AKT3: variants seen among roughly 807,000 people sequenced by gnomAD.
The protein encoded by AKT3 is RAC-gamma serine/threonine-protein kinase.
A neutral mutation model predicts 65.3 loss-of-function variants in AKT3; 15 were observed. The ratio of observed to expected loss-of-function variants is 0.23; its 90% confidence interval spans 0.15 to 0.35. The LOEUF (loss-of-function observed/expected upper bound fraction) is 0.35. AKT3 is among the 10% of genes least tolerant of loss of function. The probability of loss-of-function intolerance (pLI) is 1.00; values close to 1 mark genes in which losing one functional copy is unlikely to be tolerated. For missense variants in AKT3, 243 were observed against 576.5 expected (o/e 0.42, Z 5.92); for synonymous variants, 206 against 183.8 (o/e 1.12, Z -0.98).
At position 243,505,166 on chromosome 1, in the gene AKT3, G is replaced by C; in HGVS notation, c.*83C>G. On this transcript the variant is annotated 3_prime_UTR_variant, in exon 14 of 14. Coordinates refer to ENST00000673466, the MANE Select transcript of AKT3 (RefSeq NM_005465.7). ...ATGTCGGAAGGTGCCCCTGCTATGTGTAAGAGCTAGGACTGGTGATGTCCA... is the reference window on the plus strand; with the variant it reads ...ATGTCGGAAGGTGCCCCTGCTATGTCTAAGAGCTAGGACTGGTGATGTCCA... 2.2e-6 allele frequency: 3 copies of C among 1,333,776 alleles called. No individual in the cohort carries two copies. The highest frequency in any genetic ancestry group is 3.2e-6 in the Non-Finnish European group (3 of 937,030). The allele number at this position is 1,333,776 out of a possible 1,614,324, so 82.6% of individuals were successfully genotyped here.
intron 2 of AKT3, among the ~76,000 whole-genome samples, chr1:243,751,871 G>T (rs528579631): frequency 2.6e-5 from 4 of 152,282 alleles, no homozygotes; most frequent in Admixed American, 2.6e-4. Context: ...TTATCCTCCA[G>T]GAACTTCAGC....
chr1:243,538,934 A>G (rs1672107953), intron 12 of AKT3, among the ~76,000 whole-genome samples: 1 of 152,166 alleles, frequency 6.6e-6, no homozygotes, highest in Admixed American at 6.5e-5. Flanking sequence ...AAAACACATG[A>G]GGCAAAACCT....
At chr1:243,736,441 A>G (rs1006416653) in intron 2 of AKT3, among the ~76,000 whole-genome samples, 4 of 152,180 alleles carry the variant, frequency 2.6e-5, no homozygotes, top group Non-Finnish European at 4.4e-5. Flanking sequence ...TGTTAATGGA[A>G]TTTACTAGAA....
rs777125144 is a variant in AKT3 at position 243,625,338 on chromosome 1, G to C, written c.562-10177C>G. Among the ~76,000 whole-genome samples, 62 of 151,670 alleles carry C rather than the reference G, an allele frequency of 4.1e-4. No individual in the cohort carries two copies. In the Middle Eastern group the frequency reaches 0.01, roughly 25 times the overall value. On this transcript the variant is annotated intron_variant, in intron 6 of 13. Coordinates refer to ENST00000673466, the MANE Select transcript of AKT3 (RefSeq NM_005465.7). Reference sequence around the variant, plus strand: ...AGTGGAGACAGGGTTTCACCATGTTGGTCAGGCTGGTCTCAAACTCCTGGC... The same window carrying C: ...AGTGGAGACAGGGTTTCACCATGTTCGTCAGGCTGGTCTCAAACTCCTGGC...
At chr1:243,700,814 T>C (rs1374458327) in intron 2 of AKT3, among the ~76,000 whole-genome samples, 1 of 152,180 alleles carries the variant, frequency 6.6e-6, no homozygotes, top group Non-Finnish European at 1.5e-5. Flanking sequence ...GCTTAGTCTT[T>C]AATAACAACC....
At chr1:243,768,660 C>G (rs1689978876) in intron 2 of AKT3, among the ~76,000 whole-genome samples, 1 of 152,048 alleles carries the variant, frequency 6.6e-6, no homozygotes, top group Non-Finnish European at 1.5e-5. Flanking sequence ...CATGGTGAAA[C>G]TCCATCTCTA....
intron 5 of AKT3, among the ~76,000 whole-genome samples, chr1:243,640,423 G>C (rs1399501621): frequency 1.3e-5 from 2 of 152,160 alleles, no homozygotes; most frequent in Non-Finnish European, 2.9e-5. Flanking sequence ...GGCTAACCCT[G>C]TATCTTGCTT....
intron 6 of AKT3, among the ~76,000 whole-genome samples, chr1:243,616,406 G>A (rs1678320764): frequency 7.0e-6 from 1 of 142,224 alleles, no homozygotes; most frequent in African/African-American, 2.6e-5. Context: ...AACTAAGAAT[G>A]TTTTCCCCAA....
At chr1:243,498,805 C>T (rs1003171254), downstream of AKT3, among the ~76,000 whole-genome samples, 24 of 152,202 alleles carry the variant, frequency 1.6e-4, no homozygotes, top group African/African-American at 5.3e-4. Flanking sequence ...GAGGGGCAGG[C>T]CCACTTCTCT....
intron 6 of AKT3, among the ~76,000 whole-genome samples, chr1:243,619,180 G>A (rs1448438398): frequency 6.6e-6 from 1 of 152,064 alleles, no homozygotes; most frequent in Non-Finnish European, 1.5e-5. Context: ...CACGAATCAG[G>A]TGGGAGAAAC....
chr1:243,792,775 A>G lies in AKT3; in HGVS notation c.46+50350T>C, dbSNP rs992965879. Among the ~76,000 whole-genome samples, 3 of 152,222 alleles carry G rather than the reference A, an allele frequency of 2.0e-5. No homozygotes were observed. The East Asian group carries it at 5.8e-4, about 29-fold the overall frequency. On this transcript the variant is annotated intron_variant, in intron 2 of 13. Transcript: ENST00000673466. ...GCCATTCCTAGCATACTTTCACTCAAAAACAGGTTTCGTAGCTAGAACTAT... is the reference window on the plus strand; with the variant it reads ...GCCATTCCTAGCATACTTTCACTCAGAAACAGGTTTCGTAGCTAGAACTAT...
chr1:243,676,687 CACTT>C (rs1364294901), intron 3 of AKT3, among the ~76,000 whole-genome samples: 3 of 152,216 alleles, frequency 2.0e-5, no homozygotes, highest in African/African-American at 7.2e-5. Flanking sequence ...ACCCAAGAAA[CACTT>C]CCTCAGTCAT....
At chr1:243,814,922 A>G (rs571446902) in intron 2 of AKT3, among the ~76,000 whole-genome samples, 1 of 152,234 alleles carries the variant, frequency 6.6e-6, no homozygotes, top group Non-Finnish European at 1.5e-5. Flanking sequence ...TCTGAAATCC[A>G]GCAGGTGTTT....
intron 2 of AKT3, among the ~76,000 whole-genome samples, chr1:243,831,692 T>C (rs1011544159): frequency 6.6e-6 from 1 of 152,076 alleles, no homozygotes; most frequent in African/African-American, 2.4e-5. Context: ...CACTGGGAAG[T>C]AGAGCAGTGA....
chr1:243,519,953 A>C (rs1670607354), intron 12 of AKT3, among the ~76,000 whole-genome samples: 1 of 152,184 alleles, frequency 6.6e-6, no homozygotes, highest in African/African-American at 2.4e-5. Flanking sequence ...TGAGAAATAA[A>C]GTTTATATTT....
chr1:243,513,912 C>T (rs1170498610), intron 12 of AKT3, among the ~76,000 whole-genome samples: 5 of 152,182 alleles, frequency 3.3e-5, no homozygotes, highest in African/African-American at 9.7e-5. Flanking sequence ...TGCTAGAAAC[C>T]CTCCCTCTGA....
intron 11 of AKT3, chr1:243,546,854 T>C (rs535581018): frequency 4.6e-5 from 7 of 152,346 alleles, no homozygotes; most frequent in Non-Finnish European, 8.8e-5. Flanking sequence ...AAGCCACTAA[T>C]GGATGAAACT....
intron 8 of AKT3, among the ~76,000 whole-genome samples, chr1:243,603,768 T>G (rs751294520): frequency 6.6e-6 from 1 of 152,162 alleles, no homozygotes; most frequent in Non-Finnish European, 1.5e-5. Context: ...GTATCCACAA[T>G]TCCCCAAGCA....
At position 243,842,161 on chromosome 1, in the gene AKT3, C is replaced by T. The variant is rs767099330; in HGVS notation, c.46+964G>A. ...TTGCTTAATTTTATTATGTAAGTTACGACTTAATAAGGCTCATTTAAAAAA... is the reference window on the plus strand; with the variant it reads ...TTGCTTAATTTTATTATGTAAGTTATGACTTAATAAGGCTCATTTAAAAAA... On this transcript the variant is annotated intron_variant, in intron 2 of 13. Coordinates refer to ENST00000673466, the MANE Select transcript of AKT3 (RefSeq NM_005465.7). 1.1e-3 allele frequency among the ~76,000 whole-genome samples: 168 copies of T among 152,034 alleles called. 1 individual carries two copies. The highest frequency in any genetic ancestry group is 2.0e-3 in the Admixed American group (30 of 15,260).
Sources: allele counts gnomAD v4.1 joint callset (sites outside exome capture counted in the v4.1 genomes callset), GRCh38; gene constraint gnomAD v4.1.1; transcripts MANE v1.5; gene names NCBI Gene and HGNC (gene_info 2026-07-23, HGNC 2026-07-21).